NBEA: variants seen among roughly 807,000 people sequenced by gnomAD.
NBEA encodes lysosomal-trafficking regulator 2.
In NBEA, 44 loss-of-function variants were observed where a neutral mutation model predicts 343.4. The observed-to-expected ratio is 0.13, with a 90% CI of 0.10 to 0.16. NBEA has a LOEUF of 0.16. NBEA is among the 10% of genes least tolerant of loss of function. The pLI, the probability that NBEA is intolerant of heterozygous loss-of-function variation, is 1.00. For synonymous variants in NBEA, 1,175 were observed against 1,238.7 expected (o/e 0.95, Z 1.08); for missense variants, 2,555 against 3,631.3 (o/e 0.70, Z 7.62).
At chr13:34,963,158 T>C (rs1428641331) in intron 1 of NBEA, among the ~76,000 whole-genome samples, 6 of 151,894 alleles carry the variant, frequency 4.0e-5, no homozygotes, top group Admixed American at 3.9e-4. Context: ...TTACTGGAGG[T>C]GTCATGACAC....
chr13:35,269,103 C>G (rs138096347), intron 34 of NBEA, among the ~76,000 whole-genome samples: 1 of 152,200 alleles, frequency 6.6e-6, no homozygotes, highest in East Asian at 1.9e-4. Flanking sequence ...GAAATGGTTT[C>G]TGTGTGAATA....
intron 47 of NBEA, among the ~76,000 whole-genome samples, chr13:35,602,628 A>G (rs946562348): frequency 1.3e-5 from 2 of 152,222 alleles, no homozygotes; most frequent in Admixed American, 1.3e-4. Flanking sequence ...TCAAACATCA[A>G]GCCTCTAACA....
intron 10 of NBEA, among the ~76,000 whole-genome samples, chr13:35,091,518 A>T (rs191571871): frequency 1.3e-5 from 2 of 152,022 alleles, no homozygotes; most frequent in East Asian, 3.9e-4. Context: ...TTCACAGATG[A>T]CATGATTGTC....
At chr13:35,353,031 C>A (rs916573135) in intron 38 of NBEA, among the ~76,000 whole-genome samples, 5 of 152,024 alleles carry the variant, frequency 3.3e-5, no homozygotes, top group Non-Finnish European at 5.9e-5. Flanking sequence ...TGTTTTTTGA[C>A]CCCACTAAAT....
At chr13:35,232,913 A>T (rs1473527063) in intron 34 of NBEA, among the ~76,000 whole-genome samples, 1 of 152,084 alleles carries the variant, frequency 6.6e-6, no homozygotes, top group Non-Finnish European at 1.5e-5. Context: ...CCTGTCATTA[A>T]GATAACCTGT....
chr13:35,573,630 T>C (rs1189725710), intron 45 of NBEA, among the ~76,000 whole-genome samples: 1 of 152,164 alleles, frequency 6.6e-6, no homozygotes, highest in Non-Finnish European at 1.5e-5. Context: ...TTCTTGTTCC[T>C]TCCCACTTAG....
chr13:35,085,818 G>A (rs958300086), intron 10 of NBEA, among the ~76,000 whole-genome samples: 5 of 152,102 alleles, frequency 3.3e-5, no homozygotes, highest in Non-Finnish European at 7.4e-5. Context: ...TGACATGATT[G>A]TATATCTAGA....
At chr13:35,014,372 A>C (rs2061581684) in intron 1 of NBEA, among the ~76,000 whole-genome samples, 1 of 152,130 alleles carries the variant, frequency 6.6e-6, no homozygotes, top group Non-Finnish European at 1.5e-5. Context: ...TCAGATTCTA[A>C]ATTCATTATG....
rs185244026 is a variant in NBEA at position 35,152,461 on chromosome 13, T to G, written c.2446-3313T>G. Among the ~76,000 whole-genome samples, 356 of 152,248 alleles carry G rather than the reference T, an allele frequency of 2.3e-3. 1 individual carries two copies. The highest frequency in any genetic ancestry group is 3.2e-3 in the Non-Finnish European group (220 of 68,000). On this transcript the variant is annotated intron_variant, in intron 18 of 58. Coordinates refer to ENST00000379939, the MANE Select transcript of NBEA (RefSeq NM_001385012.1). ...AGATGCAACAGCAGGGTTAATAGTT[T>G]GCCTTTTTTTTAACCACCCCATCTC...
intron 33 of NBEA, among the ~76,000 whole-genome samples, chr13:35,223,163 C>A (rs1285125840): frequency 6.6e-6 from 1 of 152,066 alleles, no homozygotes; most frequent in Non-Finnish European, 1.5e-5. Context: ...CAGTACACTG[C>A]TATTTTGCTC....
intron 1 of NBEA, among the ~76,000 whole-genome samples, chr13:34,974,368 C>T (rs753235145): frequency 3.9e-5 from 6 of 152,026 alleles, no homozygotes; most frequent in Non-Finnish European, 7.4e-5. Flanking sequence ...CTCTTCTTAC[C>T]TGGACGTTTC....
intron 34 of NBEA, among the ~76,000 whole-genome samples, chr13:35,278,111 T>A (rs56261619): frequency 0.23 from 33,332 of 145,630 alleles, 4,282 homozygotes; most frequent in African/African-American, 0.37. Flanking sequence ...ATATATAAAA[T>A]ATATATATAT....
At chr13:35,364,357 G>A (rs1469757643) in intron 38 of NBEA, among the ~76,000 whole-genome samples, 1 of 151,858 alleles carries the variant, frequency 6.6e-6, no homozygotes, top group Non-Finnish European at 1.5e-5. Flanking sequence ...GCTGTGTCTT[G>A]CTGGGTGGGT....
intron 13 of NBEA, among the ~76,000 whole-genome samples, chr13:35,116,412 T>C (rs534933720): frequency 1.6e-4 from 25 of 152,118 alleles, no homozygotes; most frequent in Non-Finnish European, 3.4e-4. Context: ...CAATGAAAAG[T>C]TTTTTTAAAG....
chr13:35,478,599 G>T (rs1169167210), intron 41 of NBEA, among the ~76,000 whole-genome samples: 1 of 152,200 alleles, frequency 6.6e-6, no homozygotes, highest in African/African-American at 2.4e-5. Context: ...TTATTTCTGC[G>T]TGAGCTTATT....
intron 47 of NBEA, among the ~76,000 whole-genome samples, chr13:35,605,868 A>G (rs1015336835): frequency 3.3e-5 from 5 of 152,264 alleles, no homozygotes; most frequent in Non-Finnish European, 7.4e-5. Context: ...ATTGTGTATC[A>G]TCTCTTTTAT....
chr13:35,374,271 C>A (rs1007011494), intron 38 of NBEA, among the ~76,000 whole-genome samples: 1 of 152,114 alleles, frequency 6.6e-6, no homozygotes, highest in Non-Finnish European at 1.5e-5. Context: ...GGTTCTGGAG[C>A]AATCAGAACA....
intron 52 of NBEA, among the ~76,000 whole-genome samples, chr13:35,650,822 C>T (rs547165928): frequency 1.4e-4 from 21 of 152,254 alleles, no homozygotes; most frequent in African/African-American, 4.8e-4. Context: ...CCCAGGAAGC[C>T]GAGGACTCCC....
intron 45 of NBEA, among the ~76,000 whole-genome samples, chr13:35,570,846 A>T (rs1414945824): frequency 6.6e-6 from 1 of 152,186 alleles, no homozygotes; most frequent in Non-Finnish European, 1.5e-5. Flanking sequence ...TTTGAAGTAT[A>T]ATAATATAAT....
Sources: gnomAD v4.1 joint callset for allele counts (sites outside exome capture counted in the v4.1 genomes callset) on GRCh38, gnomAD v4.1.1 for gene constraint, MANE v1.5 for transcripts, NCBI Gene and HGNC (gene_info 2026-07-23, HGNC 2026-07-21) for gene names.